Variants in LIN54 observed in about 807,000 individuals in gnomAD.
The protein encoded by LIN54 is protein lin-54 homolog.
Under a neutral mutation model 78.7 loss-of-function variants are expected in LIN54, and 9 were observed. The ratio of observed to expected loss-of-function variants is 0.11; its 90% CI spans 0.07 to 0.20. The LOEUF is 0.20. Ranked by LOEUF, LIN54 falls within the 10% of genes least tolerant of loss-of-function variation. LIN54 has a pLI of 1.00. For missense variants in LIN54, 573 were observed against 889.9 expected (o/e 0.64, Z 4.53); for synonymous variants, 269 against 318.4 (o/e 0.84, Z 1.65).
chr4:82,961,955 CA>C (rs11338764), intron 4 of LIN54, among the ~76,000 whole-genome samples: 68,761 of 122,698 alleles, frequency 0.56, 17,584 homozygotes, highest in East Asian at 0.78. Context: ...GACTCTGTCT[CA>C]AAAAAAAAAA....
rs1467356509 is a variant in LIN54, at chr4:82,927,836, T to A, written c.*266A>T. On this transcript the variant is annotated 3_prime_UTR_variant, in exon 13 of 13. Transcript: ENST00000340417. ...TGTCAAAGGTATCAGAAAGAGAACA[T>A]CTAATTCTTAAGAAACCCAAGCAAA... 5 of 367,644 alleles carry A rather than the reference T, an allele frequency of 1.4e-5. No homozygotes were observed. Among genetic ancestry groups the A allele is most frequent in the African/African-American group, 1.0e-4 (5 of 48,240 alleles). The allele number at this position is 367,644 out of a possible 1,614,324, so 22.8% of individuals were successfully genotyped here. A position where few individuals can be genotyped will look rare whatever the true frequency, so the allele number is the denominator to read the frequency against.
intron 9 of LIN54, 35 bp from the exon 10 acceptor site, chr4:82,936,416 A>T (rs1722396754): frequency 8.9e-7 from 1 of 1,121,412 alleles, no homozygotes; most frequent in African/African-American, 1.6e-5. Flanking sequence ...GTAAAAAGTC[A>T]TTATTAAGGA....
Position 82,956,345 on chromosome 4 carries a change from G to A in LIN54, c.952-9871C>T, listed in dbSNP as rs1167837509. 1.5e-4 allele frequency among the ~76,000 whole-genome samples: 13 copies of A among 88,344 alleles called. No individual in the cohort carries two copies. The South Asian group carries it at 3.6e-3, about 25-fold the overall frequency. 58.0% of individuals were successfully genotyped at this position (88,344 alleles called of 152,430 possible). ...AACATGGCCAACATGGTGAAATCCC[G>A]TCTCAACTAAAAAAAAAAAAAGACT... On this transcript the variant is annotated intron_variant, in intron 4 of 12. Coordinates refer to ENST00000340417, the MANE Select transcript of LIN54 (RefSeq NM_194282.4).
At chr4:83,006,860 C>G (rs1049149799) in intron 1 of LIN54, among the ~76,000 whole-genome samples, 3 of 152,134 alleles carry the variant, frequency 2.0e-5, no homozygotes, top group Non-Finnish European at 4.4e-5. Flanking sequence ...AAGAAATGGG[C>G]CAGGCGTGAT....
At chr4:82,992,264 C>G (rs1433291311) in intron 1 of LIN54, among the ~76,000 whole-genome samples, 1 of 152,158 alleles carries the variant, frequency 6.6e-6, no homozygotes, top group African/African-American at 2.4e-5. Flanking sequence ...ATGTAATATT[C>G]TTTTAATATC....
At position 82,925,266 on chromosome 4, in the gene LIN54, G is replaced by A. The variant is rs962977463; in HGVS notation, c.*2836C>T. 8 of 152,260 alleles carry A rather than the reference G, an allele frequency of 5.3e-5. No individual in the cohort carries two copies. Among genetic ancestry groups the A allele is most frequent in the Admixed American group, 4.6e-4 (7 of 15,290 alleles). The allele number at this position is 152,260 out of a possible 1,614,324, so 9.4% of individuals were successfully genotyped here. ...ACTCTGATTGCCAGGCTGGAGTGCA[G>A]TGGTGTAATTTTGACTCACTACAGC... On this transcript the variant is annotated 3_prime_UTR_variant, in exon 13 of 13. Coordinates refer to ENST00000340417, the MANE Select transcript of LIN54 (RefSeq NM_194282.4).
intron 1 of LIN54, among the ~76,000 whole-genome samples, chr4:82,999,630 T>C (rs376977029): frequency 3.3e-5 from 5 of 151,494 alleles, no homozygotes; most frequent in African/African-American, 1.2e-4. Flanking sequence ...ATACAAAAAT[T>C]AGCTGTGCAC....
At chr4:82,940,761 C>T (rs1408781699) in intron 5 of LIN54, among the ~76,000 whole-genome samples, 1 of 152,188 alleles carries the variant, frequency 6.6e-6, no homozygotes, top group African/African-American at 2.4e-5. Flanking sequence ...AGGATAAGAA[C>T]ATGGACTCTA....
At chr4:82,979,644 A>G (rs1288671564) in intron 2 of LIN54, among the ~76,000 whole-genome samples, 3 of 152,214 alleles carry the variant, frequency 2.0e-5, no homozygotes, top group African/African-American at 7.2e-5. Flanking sequence ...TCTTCTTTTA[A>G]AGATGGGGTC....
chr4:82,933,833 GGTTA>G (rs1334655823), intron 11 of LIN54, among the ~76,000 whole-genome samples: 1 of 152,092 alleles, frequency 6.6e-6, no homozygotes, highest in East Asian at 1.9e-4. Flanking sequence ...TCAATTAAAT[GGTTA>G]GTTCCTATAT....
In LIN54 at chr4:83,010,787, C is replaced by T; in HGVS notation, c.-336G>A. The T allele has an allele frequency of 8.1e-7, 1 of 1,235,190 alleles. No individual in the cohort carries two copies. Among genetic ancestry groups the T allele is most frequent in the African/African-American group, 1.5e-5 (1 of 64,584 alleles). 76.5% of individuals were successfully genotyped at this position (1,235,190 alleles called of 1,614,324 possible). On this transcript the variant is annotated 5_prime_UTR_variant, in exon 1 of 13. Transcript: ENST00000340417. ...ACAGCTCAGCAGCTTCCCCGACAGC[C>T]GGAGCCCGGGCCGCCGCCGCCGCCG...
At chr4:82,936,155 C>A (rs748818915) in intron 10 of LIN54, 37 bp from the exon 11 acceptor site, 3 of 1,611,720 alleles carry the variant, frequency 1.9e-6, no homozygotes, top group Non-Finnish European at 2.5e-6. Flanking sequence ...AGAGTTAAAT[C>A]ACAGTAGATG....
chr4:82,955,127 TTAGAGAGGCCGAA>T (rs902538072), intron 4 of LIN54, among the ~76,000 whole-genome samples: 68 of 152,302 alleles, frequency 4.5e-4, no homozygotes, highest in African/African-American at 1.5e-3. Context: ...ATCCTAGCAC[TTAGAGAGGCCGAA>T]GGAGGCGGAT....
intron 4 of LIN54, among the ~76,000 whole-genome samples, chr4:82,951,909 T>G (rs1723875078): frequency 6.6e-6 from 1 of 152,138 alleles, no homozygotes; most frequent in Admixed American, 6.5e-5. Context: ...CTGGGAAAAC[T>G]GAATATCCGT....
intron 5 of LIN54, 94 bp from the exon 6 acceptor site, chr4:82,940,056 TAA>T: frequency 1.2e-6 from 1 of 826,228 alleles, no homozygotes; most frequent in Non-Finnish European, 1.9e-6. Flanking sequence ...GTTATTCTCA[TAA>T]AAGAGCTTAA....
chr4:82,983,151 G>A lies in LIN54; in HGVS notation c.684+1010C>T, dbSNP rs192085163. On this transcript the variant is annotated intron_variant, in intron 2 of 12. Coordinates refer to ENST00000340417, the MANE Select transcript of LIN54 (RefSeq NM_194282.4). ...GCCTCCTGAGTAGCTGGGATTATAG[G>A]CACTCGCCACCATGCCTGGCTAATT... Among the ~76,000 whole-genome samples, 8 of 152,096 alleles carry A rather than the reference G, an allele frequency of 5.3e-5. No individual in the cohort carries two copies. In the East Asian group the frequency reaches 1.5e-3, roughly 29 times the overall value.
At chr4:82,988,955 G>A (rs1013546100) in intron 1 of LIN54, among the ~76,000 whole-genome samples, 8 of 152,052 alleles carry the variant, frequency 5.3e-5, no homozygotes, top group African/African-American at 9.7e-5. Flanking sequence ...TTGGGAGGCC[G>A]AAGCAGGCAG....
chr4:82,974,571 T>C (rs763260304), intron 3 of LIN54, among the ~76,000 whole-genome samples: 1 of 151,962 alleles, frequency 6.6e-6, no homozygotes, highest in Non-Finnish European at 1.5e-5. Context: ...ACACCATCTC[T>C]ACTAAAAATA....
At chr4:82,929,297 G>C (rs1414825407) in intron 12 of LIN54, among the ~76,000 whole-genome samples, 1 of 151,850 alleles carries the variant, frequency 6.6e-6, no homozygotes, top group Non-Finnish European at 1.5e-5. Context: ...TTATAATTTT[G>C]TTTTCATATT....
Sources: allele counts gnomAD v4.1 joint callset (sites outside exome capture counted in the v4.1 genomes callset), GRCh38; gene constraint gnomAD v4.1.1; transcripts MANE v1.5; gene names NCBI Gene and HGNC (gene_info 2026-07-23, HGNC 2026-07-21).